The following CLIC4 variants were observed in gnomAD, a reference collection of about 807,000 sequenced individuals.
CLIC4 encodes chloride intracellular channel protein 4.
CLIC4 carries 13 observed loss-of-function variants against 24.6 expected under a neutral mutation model. The ratio of observed to expected loss-of-function variants is 0.53; its 90% CI spans 0.34 to 0.84. The LOEUF is 0.84. Among genes scored for constraint, CLIC4 ranks in the 40% least tolerant of loss-of-function variants. The pLI, the probability that CLIC4 is intolerant of heterozygous loss-of-function variation, is 0.01. For synonymous variants in CLIC4, 104 were observed against 111.3 expected, an observed-to-expected ratio of 0.93 and a Z score of 0.41; for missense variants, 227 against 301.7, an observed-to-expected ratio of 0.75 and a Z score of 1.83.
intron 1 of CLIC4, among the ~76,000 whole-genome samples, chr1:24,745,973 A>G (rs968252083): frequency 2.0e-5 from 3 of 149,826 alleles, no homozygotes; most frequent in African/African-American, 4.9e-5. Flanking sequence ...GGGTCCTGTC[A>G]CCACCCCCCG....
At chr1:24,797,483 A>G (rs978627502) in intron 1 of CLIC4, among the ~76,000 whole-genome samples, 1 of 146,034 alleles carries the variant, frequency 6.8e-6, no homozygotes, top group South Asian at 2.3e-4. Flanking sequence ...CTAAGATGGG[A>G]GGTGAAGGTT....
intron 4 of CLIC4, among the ~76,000 whole-genome samples, chr1:24,836,149 T>G (rs1489940412): frequency 2.0e-5 from 3 of 152,142 alleles, no homozygotes; most frequent in East Asian, 1.9e-4. Context: ...CCAGACTGAT[T>G]TAAAAAGGTT....
rs3220273 is a variant in CLIC4, at chr1:24,824,996, TCACACACACACA to T, written c.309-1981_309-1970del. 9.6e-4 allele frequency among the ~76,000 whole-genome samples: 128 copies of T among 133,958 alleles called. 1 individual carries two copies. Among genetic ancestry groups the T allele is most frequent in the African/African-American group, 2.6e-3 (94 of 35,720 alleles). The allele number at this position is 133,958 out of a possible 152,430, so 87.9% of individuals were successfully genotyped here. On this transcript the variant is annotated intron_variant, in intron 3 of 5. Coordinates refer to ENST00000374379, the MANE Select transcript of CLIC4 (RefSeq NM_013943.3). The stretch of plus-strand genomic sequence containing the variant: ...CCCTGGGTGACAGAGGGAGACCCTG[TCACACACACACA>T]CACACACACACACACACACACACAC...
At chr1:24,748,499 GTTTTT>G (rs869153638) in intron 1 of CLIC4, among the ~76,000 whole-genome samples, 2 of 80,608 alleles carry the variant, frequency 2.5e-5, no homozygotes, top group African/African-American at 4.9e-5. Flanking sequence ...CAGGTTTTTT[GTTTTT>G]TTTTTTTTTT....
At chr1:24,750,176 C>T (rs1036250283) in intron 1 of CLIC4, among the ~76,000 whole-genome samples, 1 of 152,080 alleles carries the variant, frequency 6.6e-6, no homozygotes, top group Non-Finnish European at 1.5e-5. Flanking sequence ...CCCAGGAGTT[C>T]GAGGCTGCAG....
chr1:24,816,215 A>G (rs1467053551), intron 3 of CLIC4, among the ~76,000 whole-genome samples: 1 of 139,520 alleles, frequency 7.2e-6, no homozygotes, highest in African/African-American at 2.7e-5. Flanking sequence ...ACCTCCTCCC[A>G]TGAATCATGA....
At chr1:24,782,516 A>G (rs1456061382) in intron 1 of CLIC4, among the ~76,000 whole-genome samples, 1 of 152,184 alleles carries the variant, frequency 6.6e-6, no homozygotes, top group African/African-American at 2.4e-5. Context: ...ATAAAAAAAA[A>G]AAAGTTTTAA....
intron 1 of CLIC4, among the ~76,000 whole-genome samples, chr1:24,767,185 T>C (rs540168016): frequency 2.0e-5 from 3 of 152,132 alleles, no homozygotes; most frequent in Non-Finnish European, 4.4e-5. Context: ...ATGTAGTGGC[T>C]AAGAGTGTGG....
intron 5 of CLIC4, among the ~76,000 whole-genome samples, 159 bp downstream of exon 5, chr1:24,840,200 T>C (rs1193672665): frequency 6.6e-6 from 1 of 152,232 alleles, no homozygotes; most frequent in Non-Finnish European, 1.5e-5. Flanking sequence ...GTTAGTTAAA[T>C]GGAAAATTAT....
intron 2 of CLIC4, among the ~76,000 whole-genome samples, chr1:24,810,923 A>T (rs1243774005): frequency 6.6e-5 from 10 of 151,006 alleles, no homozygotes; most frequent in Non-Finnish European, 1.5e-5. Flanking sequence ...ACTAAAAAAT[A>T]CATCAAAAAT....
chr1:24,815,889 C>T (rs2124154313), intron 3 of CLIC4, among the ~76,000 whole-genome samples: 1 of 152,306 alleles, frequency 6.6e-6, no homozygotes, highest in African/African-American at 2.4e-5. Flanking sequence ...GCTGTTTTAA[C>T]AACTAAGTCG....
chr1:24,758,999 T>C (rs552520353), intron 1 of CLIC4, among the ~76,000 whole-genome samples: 201 of 152,296 alleles, frequency 1.3e-3, no homozygotes, highest in Admixed American at 2.8e-3. Context: ...AGATTTTGCC[T>C]ATATCTTCTT....
intron 2 of CLIC4, among the ~76,000 whole-genome samples, chr1:24,804,199 C>CTA (rs2124140859): frequency 6.6e-6 from 1 of 152,172 alleles, no homozygotes; most frequent in Admixed American, 6.5e-5. Context: ...GAGACATCAT[C>CTA]TATTTCCTGC....
intron 2 of CLIC4, among the ~76,000 whole-genome samples, chr1:24,808,678 A>AT (rs35508226): frequency 0.61 from 84,434 of 138,276 alleles, 26,849 homozygotes; most frequent in Non-Finnish European, 0.71. Context: ...TATCTATAAA[A>AT]TTTTTTTTTT....
rs571125079 is a variant in CLIC4 at position 24,796,281 on chromosome 1, C to T, written c.73-1461C>T. Among the ~76,000 whole-genome samples, 15 of 152,204 alleles carry T rather than the reference C, an allele frequency of 9.9e-5. No individual in the cohort carries two copies. The South Asian group carries it at 3.1e-3, about 32-fold the overall frequency. On this transcript the variant is annotated intron_variant, in intron 1 of 5. Coordinates refer to ENST00000374379, the MANE Select transcript of CLIC4 (RefSeq NM_013943.3). ...TCGGCTCAGTAAAATCTCTGCCTCCCGGGTTCAAGCGATTCTCCTGCCTCA... is the reference window on the plus strand; with the variant it reads ...TCGGCTCAGTAAAATCTCTGCCTCCTGGGTTCAAGCGATTCTCCTGCCTCA...
intron 4 of CLIC4, among the ~76,000 whole-genome samples, chr1:24,830,090 A>G (rs936623902): frequency 1.3e-5 from 2 of 152,202 alleles, no homozygotes; most frequent in African/African-American, 2.4e-5. Context: ...CTCTTATTAC[A>G]TTTAATGTTT....
intron 1 of CLIC4, among the ~76,000 whole-genome samples, chr1:24,792,490 C>A (rs528967304): frequency 6.6e-6 from 1 of 152,080 alleles, no homozygotes; most frequent in South Asian, 2.1e-4. Flanking sequence ...TTGTGCGTGG[C>A]CTTTTCTATA....
chr1:24,799,380 C>T (rs2124134251), intron 2 of CLIC4, among the ~76,000 whole-genome samples: 1 of 151,690 alleles, frequency 6.6e-6, no homozygotes, highest in South Asian at 2.1e-4. Flanking sequence ...TCCGGCCGCC[C>T]CGTCTGAGAA....
intron 4 of CLIC4, among the ~76,000 whole-genome samples, chr1:24,829,882 T>C (rs1387107800): frequency 6.6e-6 from 1 of 152,222 alleles, no homozygotes; most frequent in Non-Finnish European, 1.5e-5. Flanking sequence ...GTATATTGAA[T>C]TATCTTTAAA....
Sources: gnomAD v4.1 joint callset for allele counts (sites outside exome capture counted in the v4.1 genomes callset) on GRCh38, gnomAD v4.1.1 for gene constraint, MANE v1.5 for transcripts, NCBI Gene and HGNC (gene_info 2026-07-23, HGNC 2026-07-21) for gene names.